RANGAP1: variants seen among roughly 807,000 people sequenced by gnomAD.
The protein encoded by RANGAP1 is ran GTPase-activating protein 1.
Under a neutral mutation model 63.5 loss-of-function variants are expected in RANGAP1, and 38 were observed. The observed-to-expected ratio is 0.60, with a 90% CI of 0.46 to 0.78. The LOEUF (loss-of-function observed/expected upper bound fraction) is 0.78. RANGAP1 is among the 30% of genes least tolerant of loss of function. The probability of loss-of-function intolerance (pLI) is 0.00; values close to 1 mark genes in which losing one functional copy is unlikely to be tolerated. For synonymous variants in RANGAP1, 329 were observed against 310.5 expected, an observed-to-expected ratio of 1.06 and a Z score of -0.63; for missense variants, 630 against 740.3, an observed-to-expected ratio of 0.85 and a Z score of 1.73.
chr22:41,280,233 G>A (rs1255601627), intron 2 of RANGAP1, among the ~76,000 whole-genome samples: 1 of 152,222 alleles, frequency 6.6e-6, no homozygotes, highest in Non-Finnish European at 1.5e-5. Context: ...GAACAAGGCT[G>A]CCTACACAAC....
At chr22:41,280,636 G>A in intron 2 of RANGAP1, 1 of 1,300,306 alleles carries the variant, frequency 7.7e-7, no homozygotes, top group Non-Finnish European at 1.0e-6. Flanking sequence ...CAGAGTCAGA[G>A]GCTGTATCTT....
chr22:41,248,548 C>T (rs2033210297), intron 15 of RANGAP1, among the ~76,000 whole-genome samples: 1 of 152,242 alleles, frequency 6.6e-6, no homozygotes, highest in African/African-American at 2.4e-5. Context: ...GCTCCTCTGC[C>T]TGCCCCATGT....
intron 12 of RANGAP1, among the ~76,000 whole-genome samples, chr22:41,251,544 T>C (rs1056009489): frequency 1.3e-5 from 2 of 151,432 alleles, no homozygotes; most frequent in Non-Finnish European, 2.9e-5. Flanking sequence ...GAGGACTGCT[T>C]GAGCCCAGGA....
chr22:41,263,192 C>T (rs1462126670), intron 5 of RANGAP1, among the ~76,000 whole-genome samples: 1 of 152,116 alleles, frequency 6.6e-6, no homozygotes, highest in Non-Finnish European at 1.5e-5. Flanking sequence ...AACTCCTGGC[C>T]AGTAGGAAAG....
chr22:41,302,093 T>G, the RANGAP1 span, among the ~76,000 whole-genome samples: 1 of 151,278 alleles, frequency 6.6e-6, no homozygotes, highest in Non-Finnish European at 1.5e-5. This position sits in a 1 kb window ranked among gnomAD's most constrained non-coding sequence, Gnocchi z 5.7. Flanking sequence ...CCCCAGGAGG[T>G]GTCTTGAAAT....
chr22:41,254,569 GCCCAGAGA>G, intron 10 of RANGAP1, 75 bp from the exon 11 acceptor site: 1 of 1,501,742 alleles, frequency 6.7e-7, no homozygotes, highest in Non-Finnish European at 8.8e-7. Flanking sequence ...GGCTCCATGA[GCCCAGAGA>G]CCTCACCTCA....
intron 1 of RANGAP1, chr22:41,281,761 AC>A (rs2035503191): frequency 2.0e-6 from 1 of 500,710 alleles, no homozygotes; most frequent in Non-Finnish European, 2.6e-6. Context: ...ACTCAAGTCT[AC>A]CAGAAGATTT....
intron 10 of RANGAP1, among the ~76,000 whole-genome samples, chr22:41,255,777 T>C (rs2033792011): frequency 6.6e-6 from 1 of 151,968 alleles, no homozygotes; most frequent in South Asian, 2.1e-4. Flanking sequence ...CCAACGTTTC[T>C]GAATAAATAC....
At chr22:41,293,953 G>A in the RANGAP1 span, among the ~76,000 whole-genome samples, 6 of 151,802 alleles carry the variant, frequency 4.0e-5, no homozygotes, top group Non-Finnish European at 8.8e-5. Context: ...ATGAGCCACC[G>A]TGCCTGGCCC....
chr22:41,295,257 G>A, the RANGAP1 span, among the ~76,000 whole-genome samples: 1 of 151,322 alleles, frequency 6.6e-6, no homozygotes, highest in South Asian at 2.1e-4. Flanking sequence ...GGAATAGAAA[G>A]GGGGGAAAGG....
At chr22:41,302,287 G>T in the RANGAP1 span, among the ~76,000 whole-genome samples, 1 of 151,826 alleles carries the variant, frequency 6.6e-6, no homozygotes, top group Non-Finnish European at 1.5e-5. The surrounding 1 kb of genome is among the most constrained non-coding windows in gnomAD (Gnocchi z 5.7). Flanking sequence ...CGGGGAGCGG[G>T]GCCGCCCGAC....
At chr22:41,249,081 A>G (rs139499) in intron 15 of RANGAP1, among the ~76,000 whole-genome samples, 112,803 of 152,202 alleles carry the variant, frequency 0.74, 42,577 homozygotes, top group Admixed American at 0.8. Context: ...GGGGCGCCGC[A>G]TGTCTCCTCT....
chr22:41,277,196 G>A (rs2035203314), intron 2 of RANGAP1, among the ~76,000 whole-genome samples: 2 of 145,416 alleles, frequency 1.4e-5, no homozygotes, highest in South Asian at 4.4e-4. Context: ...TCCTGCCTCA[G>A]CCTCCCAAGT....
In RANGAP1 at chr22:41,278,042, T is replaced by TG. The variant is rs1235654168; in HGVS notation, c.112+2890_112+2891insC. On this transcript the variant is annotated intron_variant, in intron 2 of 15. Transcript: ENST00000356244. ...TTCAGAGCCAGCCAAACTTGAGTTT[T>TG]TTTTTTTTTTTTTTGAGATAGTCTC... 2.0e-4 allele frequency among the ~76,000 whole-genome samples: 30 copies of TG among 149,404 alleles called. 1 individual carries two copies. The East Asian group carries it at 5.4e-3, about 27-fold the overall frequency.
chr22:41,259,715 A>T (rs941188687), intron 6 of RANGAP1, among the ~76,000 whole-genome samples: 1 of 152,178 alleles, frequency 6.6e-6, no homozygotes, highest in African/African-American at 2.4e-5. Flanking sequence ...TTTTTTAAAA[A>T]TTTTAAGCTG....
At chr22:41,253,550 C>G (rs1224475713) in intron 11 of RANGAP1, among the ~76,000 whole-genome samples, 1 of 152,190 alleles carries the variant, frequency 6.6e-6, no homozygotes, top group East Asian at 1.9e-4. Flanking sequence ...GGAGGTGTGG[C>G]AGCCCTGATG....
intron 5 of RANGAP1, 73 bp downstream of exon 5, chr22:41,264,591 G>C (rs2034357332): frequency 1.3e-6 from 2 of 1,486,196 alleles, no homozygotes; most frequent in East Asian, 2.4e-5. Context: ...TGGTGGCCAA[G>C]GGCCAGGGCA....
At chr22:41,272,975 G>C (rs1165337129) in intron 3 of RANGAP1, among the ~76,000 whole-genome samples, 1 of 152,090 alleles carries the variant, frequency 6.6e-6, no homozygotes, top group Non-Finnish European at 1.5e-5. Context: ...ACCATGCCGG[G>C]CTAATTTTTG....
At chr22:41,291,416 T>C in the RANGAP1 span, among the ~76,000 whole-genome samples, 7 of 150,242 alleles carry the variant, frequency 4.7e-5, no homozygotes, top group Admixed American at 4.0e-4. Flanking sequence ...ACCAATATGG[T>C]GAAACCCTGT....
Sources: allele counts gnomAD v4.1 joint callset (sites outside exome capture counted in the v4.1 genomes callset), GRCh38; gene constraint gnomAD v4.1.1; non-coding constraint Gnocchi (gnomAD v3.1); transcripts MANE v1.5; gene names NCBI Gene and HGNC (gene_info 2026-07-23, HGNC 2026-07-21).